APPL1: variants seen among roughly 807,000 people sequenced by gnomAD.
The protein encoded by APPL1 is DCC-interacting protein 13-alpha.
Under a neutral mutation model 106.8 loss-of-function variants are expected in APPL1, and 42 were observed. The ratio of observed to expected loss-of-function variants is 0.39; its 90% CI spans 0.31 to 0.51. The LOEUF (loss-of-function observed/expected upper bound fraction) is 0.51, where lower values mean the gene tolerates loss of function less well. Ranked by LOEUF, APPL1 falls within the 20% of genes least tolerant of loss-of-function variation. The pLI, the probability that APPL1 is intolerant of heterozygous loss-of-function variation, is 0.75. For synonymous variants in APPL1, 263 were observed against 281.8 expected (o/e 0.93, Z 0.67); for missense variants, 769 against 858.2 (o/e 0.90, Z 1.30).
At chr3:57,259,651 A>G in intron 16 of APPL1, 194 bp from the exon 17 acceptor site, 1 of 494,736 alleles carries the variant, frequency 2.0e-6, no homozygotes, top group Non-Finnish European at 3.4e-6. Context: ...TGAAACCCTA[A>G]TTTTCCTATA....
intron 1 of APPL1, among the ~76,000 whole-genome samples, chr3:57,232,787 G>C (rs1236739720): frequency 6.6e-6 from 1 of 152,160 alleles, no homozygotes; most frequent in Non-Finnish European, 1.5e-5. Flanking sequence ...CAGATCACAA[G>C]GTCAGGAGAT....
intron 19 of APPL1, among the ~76,000 whole-genome samples, chr3:57,263,881 A>G (rs2060881266): frequency 6.6e-6 from 1 of 151,322 alleles, no homozygotes; most frequent in Non-Finnish European, 1.5e-5. Context: ...CAATATACTG[A>G]TTTCCTTTTT....
chr3:57,231,841 T>C (rs764197446), intron 1 of APPL1, among the ~76,000 whole-genome samples: 91 of 150,446 alleles, frequency 6.0e-4, no homozygotes, highest in Non-Finnish European at 7.4e-4. Context: ...CTGGGAGTGA[T>C]GGAAGACTAT....
Position 57,262,867 on chromosome 3 carries a change from T to C in APPL1, c.1842+2093T>C, listed in dbSNP as rs559618800. 9.7e-3 allele frequency among the ~76,000 whole-genome samples: 1,142 copies of C among 117,480 alleles called. 15 individuals are homozygous for C. Among genetic ancestry groups the C allele is most frequent in the African/African-American group, 0.034 (1,062 of 31,414 alleles). The allele number at this position is 117,480 out of a possible 152,430, so 77.1% of individuals were successfully genotyped here. ...GTGTGTATGCATTTTTTTTTTTTTT[T>C]CCAGATGGAGTCTTGCTGTGTCACC... On this transcript the variant is annotated intron_variant, in intron 19 of 21. Transcript: ENST00000288266.
At chr3:57,242,204 C>T in intron 6 of APPL1, 62 bp downstream of exon 6, 1 of 1,259,508 alleles carries the variant, frequency 7.9e-7, no homozygotes, top group South Asian at 1.4e-5. Context: ...CAGTGCATAT[C>T]TGTGGCCAGA....
chr3:57,245,086 C>A (rs1250672674), intron 7 of APPL1, among the ~76,000 whole-genome samples: 1 of 152,000 alleles, frequency 6.6e-6, no homozygotes, highest in Non-Finnish European at 1.5e-5. Context: ...CACATAAACA[C>A]ACATAAAGAA....
chr3:57,227,888 CG>C lies in APPL1; in HGVS notation c.9del (p.Ile4SerfsTer20), dbSNP rs1559504574. Reference sequence around the variant, plus strand: ...CACCGCCCTCCCTCCGCCACGATGCCGGGGATCGACAAGCTGCCCATCGAGG... The same window carrying C: ...CACCGCCCTCCCTCCGCCACGATGCCGGGATCGACAAGCTGCCCATCGAGG... M[P>X]GIDKLPIEET... On this transcript the variant is annotated frameshift_variant, in exon 1 of 22. Coordinates refer to ENST00000288266, the MANE Select transcript of APPL1 (RefSeq NM_012096.3). LOFTEE classifies it high-confidence loss of function. 3 of 1,467,464 alleles carry C rather than the reference CG, an allele frequency of 2.0e-6. No homozygotes were observed. The highest frequency in any genetic ancestry group is 2.7e-6 in the Non-Finnish European group (3 of 1,107,086). 90.9% of individuals were successfully genotyped at this position (1,467,464 alleles called of 1,614,324 possible). A position where few individuals can be genotyped will look rare whatever the true frequency, so the allele number is the denominator to read the frequency against.
Position 57,248,277 on chromosome 3 carries a change from G to A in APPL1, c.789G>A (p.Val263=), listed in dbSNP as rs2060785415. The change falls in exon 10 of 22, where the codon GTG becomes GTA. Residue 263 remains valine (V), a synonymous_variant. Coordinates refer to ENST00000288266, the MANE Select transcript of APPL1 (RefSeq NM_012096.3). ...DLEVASDPLY[V]PDPDPTKFPV... ...AAGTAGCCAGTGATCCCTTATATGTGCCTGACCCAGACCCCACCAAATTTC... is the reference window on the plus strand; with the variant it reads ...AAGTAGCCAGTGATCCCTTATATGTACCTGACCCAGACCCCACCAAATTTC... 6 of 1,614,126 alleles carry A rather than the reference G, an allele frequency of 3.7e-6. No individual in the cohort carries two copies. Among genetic ancestry groups the A allele is most frequent in the Non-Finnish European group, 5.1e-6 (6 of 1,180,032 alleles).
chr3:57,251,492 T>A (rs1307461327), intron 11 of APPL1, among the ~76,000 whole-genome samples: 1 of 147,224 alleles, frequency 6.8e-6, no homozygotes, highest in African/African-American at 2.5e-5. Flanking sequence ...GCCACTGCAC[T>A]TCAGCCTGGG....
At chr3:57,255,004 A>G (rs1300906625) in intron 13 of APPL1, among the ~76,000 whole-genome samples, 4 of 152,244 alleles carry the variant, frequency 2.6e-5, no homozygotes, top group Admixed American at 2.0e-4. Context: ...AATGCGTAAT[A>G]TGATTCAGTA....
At chr3:57,229,090 T>C (rs2060670660) in intron 1 of APPL1, among the ~76,000 whole-genome samples, 1 of 152,254 alleles carries the variant, frequency 6.6e-6, no homozygotes, top group South Asian at 2.1e-4. Context: ...TGCCTGCTGC[T>C]AATGTACTCT....
chr3:57,257,783 A>G (rs1418491999), intron 15 of APPL1, among the ~76,000 whole-genome samples: 1 of 152,218 alleles, frequency 6.6e-6, no homozygotes, highest in Non-Finnish European at 1.5e-5. Flanking sequence ...TAGGTTTATT[A>G]GAAAATATTA....
At chr3:57,245,986 T>C (rs1434272759) in intron 7 of APPL1, 90 bp from the exon 8 acceptor site, 1 of 864,588 alleles carries the variant, frequency 1.2e-6, no homozygotes, top group East Asian at 3.1e-5. Context: ...TTGGGTAGGC[T>C]CTTCTCCACA....
chr3:57,253,911 G>A (rs1335449595), intron 13 of APPL1, among the ~76,000 whole-genome samples, 173 bp downstream of exon 13: 2 of 147,722 alleles, frequency 1.4e-5, no homozygotes, highest in Non-Finnish European at 3.0e-5. Flanking sequence ...TGCCCAGGCT[G>A]GAGTGCTGTG....
rs1038622332 is a variant in APPL1, at chr3:57,273,458, GTTT to G, written c.*3775_*3777del. 3 of 152,480 alleles carry G rather than the reference GTTT, an allele frequency of 2.0e-5. No individual in the cohort carries two copies. The highest frequency in any genetic ancestry group is 7.2e-5 in the African/African-American group (3 of 41,396). 9.4% of individuals were successfully genotyped at this position (152,480 alleles called of 1,614,324 possible). ...ATAAAGTCCATGATTTTTGTACAGTGTTTTTTAATGAAATATTTGATACTCTGA... is the reference window on the plus strand; with the variant it reads ...ATAAAGTCCATGATTTTTGTACAGTGTTTAATGAAATATTTGATACTCTGA... On this transcript the variant is annotated 3_prime_UTR_variant, in exon 22 of 22. Transcript: ENST00000288266.
At position 57,229,045 on chromosome 3, in the gene APPL1, C is replaced by G. The variant is rs182977640; in HGVS notation, c.54+1108C>G. On this transcript the variant is annotated intron_variant, in intron 1 of 21. Coordinates refer to ENST00000288266, the MANE Select transcript of APPL1 (RefSeq NM_012096.3). ...GCTCTGATTGTAGAATTGATTTGTT[C>G]TTTTTTATTCTGAAAGTTATCTTCA... Among the ~76,000 whole-genome samples the G allele has an allele frequency of 1.2e-3, 185 of 152,228 alleles. 1 individual carries two copies. The highest frequency in any genetic ancestry group is 2.1e-3 in the Non-Finnish European group (141 of 68,018).
rs200835898 is a variant in APPL1, at chr3:57,235,398, C to CA, written c.55-158dup. Among the ~76,000 whole-genome samples the CA allele has an allele frequency of 3.8e-4, 53 of 139,140 alleles. No individual in the cohort carries two copies. The East Asian group carries it at 8.0e-3, about 21-fold the overall frequency. 91.3% of individuals were successfully genotyped at this position (139,140 alleles called of 152,430 possible). A position where few individuals can be genotyped will look rare whatever the true frequency, so the allele number is the denominator to read the frequency against. On this transcript the variant is annotated intron_variant, in intron 1 of 21. Transcript: ENST00000288266. ...TGCTTTGTTGAAGTGAAACTAAGAA[C>CA]AAAAAAAAAAGACTTCTTAACATTA...
Position 57,227,807 on chromosome 3 carries a change from C to A in APPL1, c.-77C>A. The A allele has an allele frequency of 7.8e-7, 1 of 1,288,164 alleles. No individual in the cohort carries two copies. Among genetic ancestry groups the A allele is most frequent in the South Asian group, 1.5e-5 (1 of 65,030 alleles). 79.8% of individuals were successfully genotyped at this position (1,288,164 alleles called of 1,614,324 possible). A position where few individuals can be genotyped will look rare whatever the true frequency, so the allele number is the denominator to read the frequency against. Reference sequence around the variant, plus strand: ...CTTGCCGGAGAGGGCGGGCCGGGGTCAGCTGCGGCGGGCGGGCCGGCGCGG... The same window carrying A: ...CTTGCCGGAGAGGGCGGGCCGGGGTAAGCTGCGGCGGGCGGGCCGGCGCGG... On this transcript the variant is annotated 5_prime_UTR_variant, in exon 1 of 22. Transcript: ENST00000288266.
At chr3:57,242,176 A>G (rs982397509) in intron 6 of APPL1, 34 bp downstream of exon 6, 3 of 1,541,348 alleles carry the variant, frequency 1.9e-6, no homozygotes, top group Admixed American at 3.5e-5. Flanking sequence ...TATTTCTTGC[A>G]GTGATGTATT....
Sources: gnomAD v4.1 joint callset for allele counts (sites outside exome capture counted in the v4.1 genomes callset) on GRCh38, gnomAD v4.1.1 for gene constraint, MANE v1.5 for transcripts, NCBI Gene and HGNC (gene_info 2026-07-23, HGNC 2026-07-21) for gene names.